DGKH: variants seen among roughly 807,000 people sequenced by gnomAD.
DGKH encodes the protein diacylglycerol kinase eta.
A neutral mutation model predicts 159.3 loss-of-function variants in DGKH; 90 were observed. The ratio of observed to expected loss-of-function variants is 0.57; its 90% confidence interval spans 0.48 to 0.67. The LOEUF (loss-of-function observed/expected upper bound fraction) is 0.67. Among genes scored for constraint, DGKH ranks in the 30% least tolerant of loss-of-function variants. The pLI is 0.00. For synonymous variants in DGKH, 536 were observed against 553.8 expected (o/e 0.97, Z 0.45); for missense variants, 1,181 against 1,506.1 (o/e 0.78, Z 3.57).
intron 30 of DGKH, among the ~76,000 whole-genome samples, chr13:42,252,906 C>T (rs1958630710): frequency 6.6e-6 from 1 of 152,032 alleles, no homozygotes; most frequent in African/African-American, 2.4e-5. Context: ...CACCACCATG[C>T]CTGGCTAATT....
At chr13:42,046,398 T>G (rs1487787022), upstream of DGKH, among the ~76,000 whole-genome samples, 1 of 152,204 alleles carries the variant, frequency 6.6e-6, no homozygotes, top group Non-Finnish European at 1.5e-5. Flanking sequence ...ACTTCTAATT[T>G]ACAGATAAGA....
intron 23 of DGKH, among the ~76,000 whole-genome samples, chr13:42,210,226 A>G (rs1957616300): frequency 6.6e-6 from 1 of 151,916 alleles, no homozygotes; most frequent in Non-Finnish European, 1.5e-5. Context: ...GCTGGAGTAC[A>G]GTGGTGTGAT....
At chr13:42,199,138 C>T in intron 18 of DGKH, among the ~76,000 whole-genome samples, 1 of 152,130 alleles carries the variant, frequency 6.6e-6, no homozygotes, top group Non-Finnish European at 1.5e-5. Flanking sequence ...TGGATTGGAT[C>T]TAGTACTTTT....
At chr13:42,062,937 T>A (rs1474233454) in intron 1 of DGKH, among the ~76,000 whole-genome samples, 1 of 152,220 alleles carries the variant, frequency 6.6e-6, no homozygotes, top group Non-Finnish European at 1.5e-5. Flanking sequence ...GATGGAGTGA[T>A]ATGTTCTTAG....
intron 26 of DGKH, among the ~76,000 whole-genome samples, chr13:42,217,524 T>G (rs910751268): frequency 9.9e-5 from 15 of 151,926 alleles, no homozygotes; most frequent in African/African-American, 3.6e-4. Flanking sequence ...ATTACAGGCA[T>G]GAGCCACTGC....
At chr13:42,129,753 C>T in intron 3 of DGKH, 121 bp downstream of exon 3, 1 of 808,342 alleles carries the variant, frequency 1.2e-6, no homozygotes, top group Non-Finnish European at 2.0e-6. Flanking sequence ...GAGTTCCTAC[C>T]AACACAATCA....
downstream of DGKH, among the ~76,000 whole-genome samples, chr13:42,247,326 G>A (rs1375025523): frequency 1.3e-5 from 2 of 150,582 alleles, no homozygotes; most frequent in Non-Finnish European, 2.9e-5. Context: ...TGCCTCCTGG[G>A]TTCAAGCAAT....
chr13:42,208,925 AT>A (rs1566194526), intron 21 of DGKH, 33 bp from the exon 22 acceptor site: 2 of 1,513,238 alleles, frequency 1.3e-6, no homozygotes, highest in Admixed American at 3.6e-5. Context: ...TCACCTAAAC[AT>A]TCAGTAGAAG....
intron 1 of DGKH, among the ~76,000 whole-genome samples, chr13:42,060,762 A>G (rs1399446599): frequency 2.6e-5 from 4 of 152,170 alleles, no homozygotes; most frequent in African/African-American, 7.2e-5. Context: ...TATATCTTAG[A>G]TCTTATTTAA....
chr13:42,219,183 GC>G (rs761398090), intron 26 of DGKH, 46 bp from the exon 27 acceptor site: 33 of 1,608,350 alleles, frequency 2.1e-5, no homozygotes, highest in Non-Finnish European at 2.8e-5. Flanking sequence ...CGTGAGGCTG[GC>G]CACTGAGTCT....
At chr13:42,209,558 G>T in intron 23 of DGKH, 93 bp downstream of exon 23, 2 of 1,330,870 alleles carry the variant, frequency 1.5e-6, no homozygotes, top group Non-Finnish European at 2.0e-6. Flanking sequence ...CATTTAAATT[G>T]TCTCTTAAAT....
chr13:42,235,172 C>T lies in DGKH; in HGVS notation c.*5984C>T, dbSNP rs1318906679. The T allele has an allele frequency of 6.6e-6, 1 of 152,148 alleles. No homozygotes were observed. The highest frequency in any genetic ancestry group is 1.5e-5 in the Non-Finnish European group (1 of 68,012). The allele number at this position is 152,148 out of a possible 1,614,324, so 9.4% of individuals were successfully genotyped here. A position where few individuals can be genotyped will look rare whatever the true frequency, so the allele number is the denominator to read the frequency against. ...ACTGTTAAACTCTGTTCATGATAAA[C>T]TCCATATTACATAATATAGGTGAAC... On this transcript the variant is annotated 3_prime_UTR_variant, in exon 30 of 30. Transcript: ENST00000337343.
At chr13:42,109,647 C>T (rs1446025974) in intron 1 of DGKH, among the ~76,000 whole-genome samples, 2 of 39,176 alleles carry the variant, frequency 5.1e-5, no homozygotes, top group East Asian at 5.8e-4. Flanking sequence ...GCTGTGCGTG[C>T]GTGCCTGTGC....
chr13:42,047,859 G>C (rs538219307), upstream of DGKH, among the ~76,000 whole-genome samples: 2 of 152,294 alleles, frequency 1.3e-5, no homozygotes, highest in Non-Finnish European at 2.9e-5. Flanking sequence ...CTTCTTGTGC[G>C]TTCTGTCGTC....
chr13:42,151,561 AGT>A (rs1955895955), intron 3 of DGKH, among the ~76,000 whole-genome samples: 1 of 92,838 alleles, frequency 1.1e-5, no homozygotes, highest in African/African-American at 4.4e-5. Context: ...GTATATATGT[AGT>A]TTCACTTATA....
At chr13:42,053,630 A>G (rs192330332) in intron 1 of DGKH, among the ~76,000 whole-genome samples, 16 of 143,006 alleles carry the variant, frequency 1.1e-4, no homozygotes, top group African/African-American at 4.1e-4. Context: ...ATATATATAT[A>G]TTTTTTTGAG....
intron 29 of DGKH, among the ~76,000 whole-genome samples, chr13:42,227,556 C>T (rs924244825): frequency 1.3e-5 from 2 of 152,134 alleles, no homozygotes; most frequent in Non-Finnish European, 1.5e-5. Context: ...TAGCAAGCAT[C>T]GGTATATTCC....
intron 11 of DGKH, among the ~76,000 whole-genome samples, chr13:42,170,374 C>T (rs897091724): frequency 1.2e-4 from 18 of 152,028 alleles, no homozygotes; most frequent in African/African-American, 3.9e-4. Context: ...AATTGCACCA[C>T]TGCCCTACAA....
At chr13:42,132,777 T>C (rs922020159) in intron 3 of DGKH, among the ~76,000 whole-genome samples, 2 of 152,048 alleles carry the variant, frequency 1.3e-5, no homozygotes, top group African/African-American at 4.8e-5. Flanking sequence ...CATGCACCTA[T>C]AGTCCCAGCC....
Sources: gnomAD v4.1 joint callset for allele counts (sites outside exome capture counted in the v4.1 genomes callset) on GRCh38, gnomAD v4.1.1 for gene constraint, MANE v1.5 for transcripts, NCBI Gene and HGNC (gene_info 2026-07-23, HGNC 2026-07-21) for gene names.